BRAF: variants seen among roughly 807,000 people sequenced by gnomAD.
BRAF encodes B-Raf proto-oncogene, serine/threonine kinase.
A neutral mutation model predicts 104.6 loss-of-function variants in BRAF; 16 were observed. That is an observed-to-expected ratio of 0.15 (90% CI 0.10 to 0.23). The LOEUF (loss-of-function observed/expected upper bound fraction) is 0.23. Among genes scored for constraint, BRAF ranks in the 10% least tolerant of loss-of-function variants. BRAF has a pLI of 1.00. For synonymous variants in BRAF, 310 were observed against 341.6 expected (o/e 0.91, Z 1.02); for missense variants, 541 against 937.3 (o/e 0.58, Z 5.52).
chr7:140,918,600 CAG>C (rs1817872429), intron 1 of BRAF, among the ~76,000 whole-genome samples: 1 of 152,176 alleles, frequency 6.6e-6, no homozygotes, highest in African/African-American at 2.4e-5. Context: ...AACCCCAAAA[CAG>C]TGTTTTTCAA....
At chr7:140,810,588 C>A (rs1191749931) in intron 3 of BRAF, among the ~76,000 whole-genome samples, 1 of 151,946 alleles carries the variant, frequency 6.6e-6, no homozygotes, top group African/African-American at 2.4e-5. Context: ...AAAGAAAAAC[C>A]CTGAACTTTT....
At chr7:140,884,974 TTTTATTTA>T (rs564140839) in intron 1 of BRAF, among the ~76,000 whole-genome samples, 1 of 151,630 alleles carries the variant, frequency 6.6e-6, no homozygotes, top group African/African-American at 2.4e-5. Context: ...TCTTATTCAT[TTTTATTTA>T]TTTATTTATT....
chr7:140,815,666 C>A (rs1014395379), intron 3 of BRAF, among the ~76,000 whole-genome samples: 2 of 148,664 alleles, frequency 1.3e-5, no homozygotes, highest in African/African-American at 2.5e-5. Flanking sequence ...GAACTCCTTA[C>A]CTCAAGTGAC....
intron 16 of BRAF, among the ~76,000 whole-genome samples, chr7:140,752,672 C>T (rs1381736665): frequency 6.6e-6 from 1 of 152,154 alleles, no homozygotes; most frequent in East Asian, 1.9e-4. Context: ...TAATCTACCT[C>T]TCATTTTTTT....
intron 1 of BRAF, among the ~76,000 whole-genome samples, chr7:140,915,010 C>T (rs1452169216): frequency 2.2e-4 from 22 of 100,464 alleles, no homozygotes; most frequent in African/African-American, 6.8e-4. Flanking sequence ...GATCACACCA[C>T]TGCACTCCAG....
chr7:140,739,400 C>T (rs1310176576), intron 18 of BRAF, among the ~76,000 whole-genome samples: 1 of 151,312 alleles, frequency 6.6e-6, no homozygotes, highest in Non-Finnish European at 1.5e-5. Flanking sequence ...GATAATAGAA[C>T]TGTTTTTTTC....
chr7:140,921,549 T>C (rs780573481), intron 1 of BRAF, among the ~76,000 whole-genome samples: 3 of 152,046 alleles, frequency 2.0e-5, no homozygotes, highest in Non-Finnish European at 4.4e-5. Context: ...TAAATCACAG[T>C]ATGTCTAATA....
chr7:140,739,677 A>T, intron 18 of BRAF, 135 bp downstream of exon 17: 2 of 1,008,212 alleles, frequency 2.0e-6, no homozygotes, highest in Non-Finnish European at 3.0e-6. Flanking sequence ...AAGCCATCTT[A>T]ATGTGTTTTC....
At chr7:140,714,616 T>C (rs1490084797), downstream of BRAF, among the ~76,000 whole-genome samples, 9 of 152,154 alleles carry the variant, frequency 5.9e-5, no homozygotes. Flanking sequence ...CTGCCTTGGC[T>C]TCCCAAAGTG....
intron 18 of BRAF, among the ~76,000 whole-genome samples, chr7:140,739,611 G>A (rs1336334088): frequency 6.6e-6 from 1 of 151,878 alleles, no homozygotes; most frequent in Non-Finnish European, 1.5e-5. Context: ...AAGTCTTTCT[G>A]AATATTTTGT....
downstream of BRAF, among the ~76,000 whole-genome samples, chr7:140,717,726 A>C (rs556034527): frequency 6.6e-6 from 1 of 152,328 alleles, no homozygotes; most frequent in African/African-American, 2.4e-5. Context: ...CTAAATTTTA[A>C]GGAAAACCTC....
intron 14 of BRAF, among the ~76,000 whole-genome samples, chr7:140,759,832 G>A (rs573806236): frequency 7.2e-5 from 11 of 152,320 alleles, no homozygotes; most frequent in South Asian, 2.1e-4. Flanking sequence ...ATATGGACAC[G>A]AATCATTTGG....
chr7:140,815,995 C>T (rs1562974105), intron 3 of BRAF, among the ~76,000 whole-genome samples: 2 of 152,102 alleles, frequency 1.3e-5, no homozygotes, highest in East Asian at 3.9e-4. Flanking sequence ...TAATCAATTA[C>T]TTTATTAGTA....
chr7:140,908,921 G>A (rs1162193298), intron 1 of BRAF, among the ~76,000 whole-genome samples: 1 of 133,790 alleles, frequency 7.5e-6, no homozygotes, highest in African/African-American at 2.6e-5. Flanking sequence ...TTGGATTCTT[G>A]TTTATTCCTA....
chr7:140,740,012 T>G (rs1400687990), intron 17 of BRAF, 66 bp from the exon 17 acceptor site: 8 of 1,502,538 alleles, frequency 5.3e-6, no homozygotes. Context: ...TACTTCACAC[T>G]CATTGAAAAC....
rs745563254 is a variant in BRAF, at chr7:140,850,064, AT to A, written c.240+46del. The A allele has an allele frequency of 1.1e-4, 150 of 1,356,998 alleles. 1 individual carries two copies. The East Asian group carries it at 1.2e-3, about 11-fold the overall frequency. The allele number at this position is 1,356,998 out of a possible 1,614,324, so 84.1% of individuals were successfully genotyped here. The stretch of plus-strand genomic sequence containing the variant: ...TCAGTACAAATGTTTTTATAAGTTC[AT>A]TTTTTTTCTTTTCAAAATTACTAGA... On this transcript the variant is annotated intron_variant, in intron 2 of 19. Transcript: ENST00000644969.
chr7:140,860,482 G>GA (rs914335146), intron 1 of BRAF, among the ~76,000 whole-genome samples: 3 of 99,362 alleles, frequency 3.0e-5, no homozygotes, highest in East Asian at 2.4e-4. Context: ...AAAAAAAAAA[G>GA]AAAAAAAAGA....
rs186773220 is a variant in BRAF at position 140,725,623 on chromosome 7, A to G, written c.*871T>C. ...TTTGTGCCCTGGACAAAGTAGCCGC[A>G]TAAGTAGTTGGTGACTGGAAGAGCA... On this transcript the variant is annotated 3_prime_UTR_variant, in exon 20 of 20. Transcript: ENST00000644969. 7.5e-5 allele frequency: 79 copies of G among 1,058,518 alleles called. No homozygotes were observed. The East Asian group carries it at 7.8e-4, about 10-fold the overall frequency. 65.6% of individuals were successfully genotyped at this position (1,058,518 alleles called of 1,614,324 possible).
In BRAF at chr7:140,723,737, A is replaced by G. The variant is rs1795439567; in HGVS notation, c.*2757T>C. 3 of 1,048,790 alleles carry G rather than the reference A, an allele frequency of 2.9e-6. No individual in the cohort carries two copies. In the African/African-American group the frequency reaches 5.0e-5, roughly 17 times the overall value. The allele number at this position is 1,048,790 out of a possible 1,614,324, so 65.0% of individuals were successfully genotyped here. A position where few individuals can be genotyped will look rare whatever the true frequency, so the allele number is the denominator to read the frequency against. On this transcript the variant is annotated 3_prime_UTR_variant, in exon 20 of 20. Coordinates refer to ENST00000644969, the MANE Select transcript of BRAF (RefSeq NM_001374258.1). ...AAAAATAAAACACACTACAGAAGGC[A>G]CTGCAGCCACTTTACAGACAAGACT...
Sources: allele counts gnomAD v4.1 joint callset (sites outside exome capture counted in the v4.1 genomes callset), GRCh38; gene constraint gnomAD v4.1.1; transcripts MANE v1.5; gene names NCBI Gene and HGNC (gene_info 2026-07-23, HGNC 2026-07-21).